AP3B1: variants seen among roughly 807,000 people sequenced by gnomAD.
The protein encoded by AP3B1 is AP-3 complex subunit beta-1.
Under a neutral mutation model 132.5 loss-of-function variants are expected in AP3B1, and 61 were observed. That is an observed-to-expected ratio of 0.46 (90% CI 0.37 to 0.57). The LOEUF is 0.57. Ranked by LOEUF, AP3B1 falls within the 20% of genes least tolerant of loss-of-function variation. The pLI is 0.00. For missense variants in AP3B1, 1,120 were observed against 1,289.4 expected (o/e 0.87, Z 2.01); for synonymous variants, 388 against 438.3 (o/e 0.89, Z 1.43).
chr5:78,291,866 C>T (rs372810703), intron 1 of AP3B1, among the ~76,000 whole-genome samples: 39 of 152,180 alleles, frequency 2.6e-4, no homozygotes, highest in African/African-American at 6.3e-4. Context: ...ACTGTAGTTG[C>T]GTAAGAGAAT....
intron 1 of AP3B1, among the ~76,000 whole-genome samples, chr5:78,270,132 G>A (rs886408102): frequency 6.6e-6 from 1 of 151,978 alleles, no homozygotes; most frequent in African/African-American, 2.4e-5. Context: ...GGCTGGTCTC[G>A]AACTCCTGAC....
chr5:78,029,513 TA>T (rs1421882863), intron 24 of AP3B1, among the ~76,000 whole-genome samples: 1 of 136,662 alleles, frequency 7.3e-6, no homozygotes, highest in East Asian at 2.0e-4. Context: ...ACCTGTTTAG[TA>T]AAAGTAGGAT....
At chr5:78,009,280 C>A (rs918411403) in intron 26 of AP3B1, among the ~76,000 whole-genome samples, 34 of 149,576 alleles carry the variant, frequency 2.3e-4, no homozygotes, top group Non-Finnish European at 4.9e-4. Flanking sequence ...CATAGGGACA[C>A]CCTGTCTCTA....
chr5:78,033,327 C>T (rs1389095330), intron 24 of AP3B1, among the ~76,000 whole-genome samples: 2 of 151,952 alleles, frequency 1.3e-5, no homozygotes, highest in Non-Finnish European at 2.9e-5. Flanking sequence ...CAGCAGACCT[C>T]CCAAAACATA....
intron 1 of AP3B1, among the ~76,000 whole-genome samples, chr5:78,284,577 A>G (rs1426102090): frequency 6.6e-6 from 1 of 152,244 alleles, no homozygotes; most frequent in Non-Finnish European, 1.5e-5. Context: ...CAAGCAAATT[A>G]TAATGTCATA....
At chr5:78,292,077 GCT>G (rs1005298235) in intron 1 of AP3B1, among the ~76,000 whole-genome samples, 3 of 152,040 alleles carry the variant, frequency 2.0e-5, no homozygotes, top group Non-Finnish European at 4.4e-5. Context: ...CAAAAGGGTA[GCT>G]CTCTGTGTCA....
At chr5:78,119,720 T>C (rs947765483) in intron 17 of AP3B1, among the ~76,000 whole-genome samples, 2 of 152,216 alleles carry the variant, frequency 1.3e-5, no homozygotes, top group African/African-American at 4.8e-5. Context: ...CTCATTGGTG[T>C]ACCTGAAAGT....
chr5:78,096,147 A>G (rs1299519154), intron 21 of AP3B1, among the ~76,000 whole-genome samples: 1 of 152,238 alleles, frequency 6.6e-6, no homozygotes, highest in South Asian at 2.1e-4. Flanking sequence ...AGTGCCTGCG[A>G]TGGCAGGCGC....
rs66609184 is a variant in AP3B1 at position 78,080,623 on chromosome 5, A to ATTTT, written c.2577+8766_2577+8769dup. Among the ~76,000 whole-genome samples, 24 of 103,520 alleles carry ATTTT rather than the reference A, an allele frequency of 2.3e-4. 1 individual carries two copies. The highest frequency in any genetic ancestry group is 9.8e-4 in the East Asian group (3 of 3,056). 67.9% of individuals were successfully genotyped at this position (103,520 alleles called of 152,430 possible). A position where few individuals can be genotyped will look rare whatever the true frequency, so the allele number is the denominator to read the frequency against. Reference sequence around the variant, plus strand: ...GAAATACCCACTGGGTATGCCTCCAATTTTTTTTTTTTTTTTTTTTTTTTT... The same window carrying ATTTT: ...GAAATACCCACTGGGTATGCCTCCAATTTTTTTTTTTTTTTTTTTTTTTTTTTTT... On this transcript the variant is annotated intron_variant, in intron 22 of 26. Coordinates refer to ENST00000255194, the MANE Select transcript of AP3B1 (RefSeq NM_003664.5).
chr5:78,138,040 AAAAT>A (rs1211458291), intron 15 of AP3B1, among the ~76,000 whole-genome samples: 1 of 152,244 alleles, frequency 6.6e-6, no homozygotes, highest in Non-Finnish European at 1.5e-5. Context: ...AAAGATGGCT[AAAAT>A]AAATAAGTAG....
rs80149173 is a variant in AP3B1, at chr5:78,015,716, C to T, written c.2993-168G>A. 280 of 649,992 alleles carry T rather than the reference C, an allele frequency of 4.3e-4. 4 individuals carry two copies. In the East Asian group the frequency reaches 7.8e-3, roughly 18 times the overall value. 40.3% of individuals were successfully genotyped at this position (649,992 alleles called of 1,614,324 possible). A position where few individuals can be genotyped will look rare whatever the true frequency, so the allele number is the denominator to read the frequency against. On this transcript the variant is annotated intron_variant, in intron 25 of 26. Coordinates refer to ENST00000255194, the MANE Select transcript of AP3B1 (RefSeq NM_003664.5). The stretch of plus-strand genomic sequence containing the variant: ...AAACTAAAACAAAATGCAATTGTTT[C>T]GAAGTTTTTTAAAATCCTCATTGTA...
At chr5:78,020,509 A>G (rs1385243109) in intron 25 of AP3B1, among the ~76,000 whole-genome samples, 183 bp downstream of exon 25, 2 of 152,158 alleles carry the variant, frequency 1.3e-5, no homozygotes, top group East Asian at 1.9e-4. Flanking sequence ...CAAGTATGCC[A>G]GGAATATAGA....
At chr5:78,244,290 G>A (rs1421479086) in intron 2 of AP3B1, among the ~76,000 whole-genome samples, 1 of 152,098 alleles carries the variant, frequency 6.6e-6, no homozygotes, top group East Asian at 1.9e-4. Flanking sequence ...GCAGATGCCT[G>A]TAATCCCAGT....
intron 15 of AP3B1, among the ~76,000 whole-genome samples, chr5:78,139,761 A>C (rs997090076): frequency 6.6e-6 from 1 of 152,208 alleles, no homozygotes; most frequent in African/African-American, 2.4e-5. Context: ...AGAGGGAGAC[A>C]CATATAGAGA....
At chr5:78,208,399 C>G (rs1420483058) in intron 7 of AP3B1, among the ~76,000 whole-genome samples, 1 of 152,080 alleles carries the variant, frequency 6.6e-6, no homozygotes, top group Non-Finnish European at 1.5e-5. Context: ...GCTCTGCCCA[C>G]CCCCAGAATA....
At chr5:78,027,875 C>T (rs2112079977) in intron 24 of AP3B1, among the ~76,000 whole-genome samples, 1 of 152,212 alleles carries the variant, frequency 6.6e-6, no homozygotes, top group East Asian at 1.9e-4. Flanking sequence ...CCTGTAATCC[C>T]AGCACTTTGG....
At chr5:78,213,014 A>G (rs955797397) in intron 7 of AP3B1, among the ~76,000 whole-genome samples, 4 of 152,002 alleles carry the variant, frequency 2.6e-5, no homozygotes, top group Non-Finnish European at 5.9e-5. Context: ...AGTAGCTGGG[A>G]CTACAGGTGC....
rs1744182533 is a variant in AP3B1, at chr5:78,177,236, A to G, written c.1040+103T>C. 78 of 760,820 alleles carry G rather than the reference A, an allele frequency of 1.0e-4. 1 individual carries two copies. In the South Asian group the frequency reaches 1.2e-3, roughly 12 times the overall value. 47.1% of individuals were successfully genotyped at this position (760,820 alleles called of 1,614,324 possible). On this transcript the variant is annotated intron_variant, in intron 9 of 26. Transcript: ENST00000255194. ...AAATCTTACTGATCGATTGATTAAAATATAGTCAGAGTTATATATTAAATG... is the reference window on the plus strand; with the variant it reads ...AAATCTTACTGATCGATTGATTAAAGTATAGTCAGAGTTATATATTAAATG...
intron 7 of AP3B1, among the ~76,000 whole-genome samples, chr5:78,206,469 G>A (rs1363018969): frequency 6.6e-6 from 1 of 151,918 alleles, no homozygotes; most frequent in Non-Finnish European, 1.5e-5. Flanking sequence ...GGTTATTATG[G>A]AGAATGTGGT....
Sources: gnomAD v4.1 joint callset for allele counts (sites outside exome capture counted in the v4.1 genomes callset) on GRCh38, gnomAD v4.1.1 for gene constraint, MANE v1.5 for transcripts, NCBI Gene and HGNC (gene_info 2026-07-23, HGNC 2026-07-21) for gene names.